The following KLF8 variants were observed in gnomAD, a reference collection of about 807,000 sequenced individuals.
The protein encoded by KLF8 is KLF transcription factor 8, also known as Krueppel-like factor 8.
In KLF8, 10 loss-of-function variants were observed where a neutral mutation model predicts 18.2. The ratio of observed to expected loss-of-function variants is 0.55; its 90% confidence interval spans 0.34 to 0.93. KLF8 has a LOEUF of 0.93. KLF8 is among the 40% of genes least tolerant of loss of function. KLF8 has a pLI of 0.02. For missense variants in KLF8, 264 were observed against 277.9 expected, an observed-to-expected ratio of 0.95 and a Z score of 0.36; for synonymous variants, 109 against 97.3, an observed-to-expected ratio of 1.12 and a Z score of -0.71.
the KLF8 span, among the ~76,000 whole-genome samples, chrX:56,134,145 C>T: frequency 9.0e-6 from 1 of 111,136 alleles, no homozygotes; most frequent in Non-Finnish European, 1.9e-5. Flanking sequence ...CACTATTCTT[C>T]ACAGAACTAG....
the KLF8 span, among the ~76,000 whole-genome samples, chrX:56,004,629 A>G: frequency 2.7e-5 from 3 of 111,575 alleles, no homozygotes; most frequent in African/African-American, 9.8e-5. Flanking sequence ...TGGAGAAAAA[A>G]ATAATTCAAT....
Position 56,265,534 on chromosome X carries a change from A to C in KLF8, c.436A>C (p.Thr146Pro). The C allele has an allele frequency of 2.5e-6, 3 of 1,211,097 alleles. No individual in the cohort carries two copies. Among genetic ancestry groups the C allele is most frequent in the Non-Finnish European group, 3.4e-6 (3 of 895,010 alleles). The change falls in exon 3 of 6, where the codon ACC becomes CCC. Residue 146 changes from threonine (T) to proline (P), a missense_variant. Transcript: ENST00000468660. ...TGTTCTGACCCCAGGCTCTGTCCTG[A>C]CCTCCTCTCAGAGCACTGGTAGCCA... ...PTVLTPGSVL[T>P]SSQSTGSQQI...
the KLF8 span, among the ~76,000 whole-genome samples, chrX:56,078,544 C>A: frequency 9.0e-6 from 1 of 111,719 alleles, no homozygotes; most frequent in Non-Finnish European, 1.9e-5. Context: ...TTCGTTTTGC[C>A]AGTATTTTAT....
At chrX:56,258,349 C>T (rs765453061) in intron 2 of KLF8, among the ~76,000 whole-genome samples, 8 of 111,777 alleles carry the variant, frequency 7.2e-5, no homozygotes, top group East Asian at 5.7e-4. Context: ...CTCGGTTCAC[C>T]GCAAGCTCCG....
the KLF8 span, among the ~76,000 whole-genome samples, chrX:55,983,863 A>G: frequency 2.7e-5 from 3 of 110,553 alleles, no homozygotes; most frequent in Non-Finnish European, 1.9e-5. Flanking sequence ...ACTTATAAGT[A>G]AAAACATGTG....
At chrX:55,977,801 G>T in the KLF8 span, among the ~76,000 whole-genome samples, 1 of 111,283 alleles carries the variant, frequency 9.0e-6, no homozygotes, top group Non-Finnish European at 1.9e-5. Flanking sequence ...TTGAAATTGT[G>T]GGAGACGAGA....
At chrX:56,032,735 G>A in the KLF8 span, among the ~76,000 whole-genome samples, 1 of 111,980 alleles carries the variant, frequency 8.9e-6, no homozygotes, top group African/African-American at 3.3e-5. Flanking sequence ...ATCTATAGAT[G>A]GACACTTCAG....
At chrX:55,909,560 T>G in the KLF8 span, among the ~76,000 whole-genome samples, 20 of 112,658 alleles carry the variant, frequency 1.8e-4, no homozygotes, top group African/African-American at 6.1e-4. Context: ...CCTTTTTAAC[T>G]GATTAGTAGC....
the KLF8 span, among the ~76,000 whole-genome samples, chrX:56,192,112 C>A: frequency 8.9e-6 from 1 of 111,792 alleles, no homozygotes; most frequent in East Asian, 2.8e-4. Context: ...AACTGATAAA[C>A]AAATTCAGTA....
At chrX:56,075,513 C>A in the KLF8 span, among the ~76,000 whole-genome samples, 1 of 111,868 alleles carries the variant, frequency 8.9e-6, no homozygotes, top group East Asian at 2.8e-4. Context: ...CTTTGTGTTA[C>A]AAACAATCCA....
At chrX:56,187,357 G>A in the KLF8 span, among the ~76,000 whole-genome samples, 657 of 111,617 alleles carry the variant, frequency 5.9e-3, 10 homozygotes, top group Middle Eastern at 9.2e-3. Context: ...CCAATAACAG[G>A]CTCTGAAATT....
chrX:56,006,030 A>G, the KLF8 span, among the ~76,000 whole-genome samples: 1 of 112,581 alleles, frequency 8.9e-6, no homozygotes, highest in Non-Finnish European at 1.9e-5. Context: ...CACTGGCCCC[A>G]TCTTACACAC....
At chrX:55,967,900 TA>T in the KLF8 span, among the ~76,000 whole-genome samples, 46 of 111,832 alleles carry the variant, frequency 4.1e-4, no homozygotes, top group Admixed American at 3.6e-3. Context: ...GTAGAGTTTT[TA>T]TTAGTTTTCT....
the KLF8 span, among the ~76,000 whole-genome samples, chrX:55,943,183 G>A: frequency 9.0e-6 from 1 of 111,029 alleles, no homozygotes; most frequent in African/African-American, 3.3e-5. Flanking sequence ...AAGAAGGGGA[G>A]TGAATTTTGG....
the KLF8 span, among the ~76,000 whole-genome samples, chrX:56,083,527 T>G: frequency 2.2e-4 from 25 of 112,134 alleles, no homozygotes; most frequent in African/African-American, 8.1e-4. Flanking sequence ...TAGCAGAGGC[T>G]TTTTACTTTT....
intron 3 of KLF8, chrX:56,267,595 C>A (rs757547014): frequency 9.1e-6 from 1 of 109,523 alleles, no homozygotes; most frequent in African/African-American, 3.3e-5. Context: ...AAATGGGGGG[C>A]TTACTAAACC....
At chrX:56,188,340 G>A in the KLF8 span, among the ~76,000 whole-genome samples, 381 of 110,555 alleles carry the variant, frequency 3.4e-3, 1 homozygote, top group Middle Eastern at 0.014. Context: ...TTCAAGGAGA[G>A]CTACAAACCA....
chrX:56,093,437 C>T, the KLF8 span, among the ~76,000 whole-genome samples: 38 of 110,326 alleles, frequency 3.4e-4, no homozygotes, highest in Non-Finnish European at 6.3e-4. Flanking sequence ...TTAAAATAAC[C>T]TAGAATTATG....
At chrX:56,043,370 G>A in the KLF8 span, among the ~76,000 whole-genome samples, 1 of 110,847 alleles carries the variant, frequency 9.0e-6, no homozygotes, top group Non-Finnish European at 1.9e-5. Flanking sequence ...GTCTTGCTTG[G>A]TTGGGGAAGT....
Sources: allele counts gnomAD v4.1 joint callset (sites outside exome capture counted in the v4.1 genomes callset), GRCh38; gene constraint gnomAD v4.1.1; transcripts MANE v1.5; gene names NCBI Gene and HGNC (gene_info 2026-07-23, HGNC 2026-07-21).